Variants in LINGO2 observed in about 807,000 individuals in gnomAD.
LINGO2 encodes the protein leucine-rich repeat and immunoglobulin-like domain-containing nogo receptor-interacting protein 2.
In LINGO2, 14 loss-of-function variants were observed where a neutral mutation model predicts 30.6. That is an observed-to-expected ratio of 0.46 (90% CI 0.30 to 0.72). The LOEUF is 0.72. LINGO2 is among the 30% of genes least tolerant of loss of function. LINGO2 has a pLI of 0.07. For synonymous variants in LINGO2, 317 were observed against 288.5 expected (o/e 1.10, Z -1.00); for missense variants, 729 against 751.7 (o/e 0.97, Z 0.35).
chr9:28,302,816 T>A (rs774504096), intron 3 of LINGO2, among the ~76,000 whole-genome samples: 3 of 152,172 alleles, frequency 2.0e-5, no homozygotes, highest in Non-Finnish European at 4.4e-5. Context: ...ATTGTATGCT[T>A]TACATACATG....
intron 1 of LINGO2, among the ~76,000 whole-genome samples, chr9:28,565,727 G>C (rs567671207): frequency 1.3e-5 from 2 of 150,860 alleles, no homozygotes; most frequent in East Asian, 4.0e-4. Flanking sequence ...AATTTTTTTT[G>C]TATTTTTTAG....
chr9:28,314,589 T>C (rs950051055), intron 3 of LINGO2, among the ~76,000 whole-genome samples: 1 of 152,216 alleles, frequency 6.6e-6, no homozygotes, highest in African/African-American at 2.4e-5. Flanking sequence ...GCTAGGCTTT[T>C]GTTGATGACC....
chr9:28,760,425 C>A, the LINGO2 span, among the ~76,000 whole-genome samples: 3 of 151,936 alleles, frequency 2.0e-5, no homozygotes, highest in African/African-American at 7.3e-5. Context: ...GAAAGGGAAA[C>A]AAGATTTTCA....
the LINGO2 span, among the ~76,000 whole-genome samples, chr9:29,098,067 T>A: frequency 0.24 from 35,775 of 151,852 alleles, 4,379 homozygotes; most frequent in East Asian, 0.41. Flanking sequence ...TAATAGGTTA[T>A]AACTGATGAA....
At chr9:27,993,205 T>C (rs951325712) in intron 5 of LINGO2, among the ~76,000 whole-genome samples, 2 of 152,116 alleles carry the variant, frequency 1.3e-5, no homozygotes, top group Non-Finnish European at 2.9e-5. Context: ...AATTGGTAAT[T>C]TTCCCCCCTC....
the LINGO2 span, among the ~76,000 whole-genome samples, chr9:29,211,080 T>C: frequency 2.2e-3 from 340 of 152,318 alleles, 2 homozygotes; most frequent in East Asian, 6.8e-3. Context: ...CCACACCCGA[T>C]GGTAATTTTT....
At chr9:28,780,497 G>A in the LINGO2 span, among the ~76,000 whole-genome samples, 1 of 152,066 alleles carries the variant, frequency 6.6e-6, no homozygotes, top group African/African-American at 2.4e-5. Flanking sequence ...CTGGTTAAAA[G>A]AAAACAAAAT....
chr9:28,213,268 G>A (rs916388891), intron 4 of LINGO2, among the ~76,000 whole-genome samples: 2 of 151,406 alleles, frequency 1.3e-5, no homozygotes, highest in African/African-American at 4.8e-5. Context: ...AAAGGAGGAT[G>A]GAAGTAGAGT....
intron 4 of LINGO2, among the ~76,000 whole-genome samples, chr9:28,058,255 C>T (rs1283234001): frequency 2.0e-5 from 3 of 152,080 alleles, no homozygotes; most frequent in Non-Finnish European, 2.9e-5. Context: ...TGGTGGAGTA[C>T]AATACAATAA....
At chr9:28,357,327 C>A (rs200947412) in intron 3 of LINGO2, among the ~76,000 whole-genome samples, 16,520 of 139,192 alleles carry the variant, frequency 0.12, 1,384 homozygotes, top group Admixed American at 0.17. Context: ...CCACCCCCCC[C>A]AAAAAAGAAA....
intron 4 of LINGO2, among the ~76,000 whole-genome samples, chr9:28,195,235 G>A (rs1338537587): frequency 1.3e-5 from 2 of 151,708 alleles, no homozygotes; most frequent in Admixed American, 1.3e-4. Flanking sequence ...ACAGGAAAAG[G>A]CATAAAATGT....
At chr9:28,081,384 C>T (rs1406480122) in intron 4 of LINGO2, among the ~76,000 whole-genome samples, 1 of 151,542 alleles carries the variant, frequency 6.6e-6, no homozygotes, top group African/African-American at 2.4e-5. Flanking sequence ...TGATGAACCA[C>T]TTAACAATCC....
At chr9:28,398,052 C>T (rs1317776486) in intron 2 of LINGO2, among the ~76,000 whole-genome samples, 2 of 152,196 alleles carry the variant, frequency 1.3e-5, no homozygotes, top group East Asian at 3.9e-4. Context: ...GTTAAATTTG[C>T]ATGTTAAAGA....
the LINGO2 span, among the ~76,000 whole-genome samples, chr9:28,685,049 A>G: frequency 6.6e-6 from 1 of 152,064 alleles, no homozygotes; most frequent in Non-Finnish European, 1.5e-5. Flanking sequence ...ATTCTTGTTT[A>G]GCTTCCACTT....
At chr9:28,056,278 C>G (rs1824938883) in intron 4 of LINGO2, among the ~76,000 whole-genome samples, 1 of 152,102 alleles carries the variant, frequency 6.6e-6, no homozygotes, top group Non-Finnish European at 1.5e-5. Flanking sequence ...CTCGGCATTC[C>G]TTCTGGGTGG....
chr9:28,485,205 T>TA (rs1483414739), intron 1 of LINGO2, among the ~76,000 whole-genome samples: 2 of 152,146 alleles, frequency 1.3e-5, no homozygotes, highest in Non-Finnish European at 2.9e-5. Context: ...TTATCTTCAA[T>TA]AAAAAGCTGA....
At chr9:28,435,619 T>C (rs992641728) in intron 2 of LINGO2, among the ~76,000 whole-genome samples, 2 of 152,182 alleles carry the variant, frequency 1.3e-5, no homozygotes, top group African/African-American at 4.8e-5. Flanking sequence ...GTAGATTGGT[T>C]ACTGGAATGC....
Position 27,949,114 on chromosome 9 carries a change from C to T in LINGO2, c.1558G>A (p.Asp520Asn), listed in dbSNP as rs772591826. The T allele has an allele frequency of 9.9e-6, 16 of 1,613,982 alleles. No homozygotes were observed. The highest frequency in any genetic ancestry group is 4.0e-5 in the African/African-American group (3 of 74,922). The stretch of plus-strand genomic sequence containing the variant: ...CCATTGGAAATGGTGTCATTGGAGT[C>T]GGTCATGTACATAGGGGTCCTGTTC... Residue 520 changes from aspartate (D) to asparagine (N), a missense_variant, in exon 6 of 6, where the codon GAC becomes AAC. Coordinates refer to ENST00000379992, the Ensembl canonical transcript of LINGO2.
intron 4 of LINGO2, among the ~76,000 whole-genome samples, chr9:28,072,748 T>G (rs1273589015): frequency 6.6e-6 from 1 of 152,016 alleles, no homozygotes; most frequent in African/African-American, 2.4e-5. Flanking sequence ...TACCCCAGAG[T>G]CTTGCTCAAA....
Sources: allele counts gnomAD v4.1 joint callset (sites outside exome capture counted in the v4.1 genomes callset), GRCh38; gene constraint gnomAD v4.1.1; transcripts MANE v1.5; gene names NCBI Gene and HGNC (gene_info 2026-07-23, HGNC 2026-07-21).